Variants in PIK3C2G observed in about 807,000 individuals in gnomAD.
PIK3C2G encodes the protein phosphatidylinositol 3-kinase C2 domain-containing subunit gamma.
A neutral mutation model predicts 181.1 loss-of-function variants in PIK3C2G; 168 were observed. The observed-to-expected ratio is 0.93, with a 90% CI of 0.82 to 1.05. The LOEUF (loss-of-function observed/expected upper bound fraction) is 1.05. PIK3C2G is among the 50% of genes least tolerant of loss of function. PIK3C2G has a pLI of 0.00. For synonymous variants in PIK3C2G, 573 were observed against 592.2 expected (o/e 0.97, Z 0.47); for missense variants, 1,869 against 1,732.8 (o/e 1.08, Z -1.40).
intron 30 of PIK3C2G, among the ~76,000 whole-genome samples, chr12:18,604,837 C>A (rs1425890438): frequency 6.6e-6 from 1 of 152,218 alleles, no homozygotes; most frequent in Non-Finnish European, 1.5e-5. Flanking sequence ...TAAAAAAATT[C>A]TTTGAACTGA....
intron 9 of PIK3C2G, 97 bp downstream of exon 9, chr12:18,338,645 G>A: frequency 1.3e-6 from 1 of 787,174 alleles, no homozygotes; most frequent in Non-Finnish European, 2.1e-6. Flanking sequence ...ATATTTCCGT[G>A]TGTATGTTTG....
the PIK3C2G span, among the ~76,000 whole-genome samples, chr12:18,726,237 C>G: frequency 2.9e-3 from 444 of 152,218 alleles, 5 homozygotes; most frequent in African/African-American, 9.9e-3. Flanking sequence ...TCAGGCCCCA[C>G]CTCAGGGTTC....
the PIK3C2G span, chr12:18,705,165 C>G: frequency 6.2e-7 from 1 of 1,613,864 alleles, no homozygotes; most frequent in South Asian, 1.1e-5. Flanking sequence ...AAAAATGTTA[C>G]CTCTGGTGAT....
chr12:18,599,974 C>T (rs1365170645), intron 30 of PIK3C2G, among the ~76,000 whole-genome samples: 3 of 151,726 alleles, frequency 2.0e-5, no homozygotes, highest in Non-Finnish European at 4.4e-5. Context: ...AGAAGAAACA[C>T]ATAAAAACAC....
At chr12:18,503,207 G>A in intron 22 of PIK3C2G, 74 bp from the exon 23 acceptor site, 1 of 1,117,902 alleles carries the variant, frequency 8.9e-7, no homozygotes, top group Non-Finnish European at 1.3e-6. Flanking sequence ...GGAAGCTATT[G>A]TTGTTATATT....
chr12:18,376,011 C>G (rs544324020), intron 13 of PIK3C2G, among the ~76,000 whole-genome samples: 5 of 152,358 alleles, frequency 3.3e-5, no homozygotes, highest in African/African-American at 1.2e-4. Flanking sequence ...AGCCCGGGTG[C>G]CCAGCCATAA....
intron 29 of PIK3C2G, among the ~76,000 whole-genome samples, chr12:18,585,271 G>T (rs1946709670): frequency 6.6e-6 from 1 of 151,826 alleles, no homozygotes; most frequent in Non-Finnish European, 1.5e-5. Flanking sequence ...AAGACCCAGT[G>T]GTATGCTATC....
intron 25 of PIK3C2G, among the ~76,000 whole-genome samples, chr12:18,544,612 G>T (rs553633878): frequency 1.3e-5 from 2 of 151,846 alleles, no homozygotes; most frequent in Non-Finnish European, 1.5e-5. Flanking sequence ...AATCAAAGAA[G>T]ATATGAATTT....
chr12:18,465,409 T>C (rs535995042), intron 18 of PIK3C2G, among the ~76,000 whole-genome samples: 6 of 152,064 alleles, frequency 3.9e-5, no homozygotes, highest in Non-Finnish European at 8.8e-5. Context: ...GCTTTCTTTG[T>C]CCATCATTTC....
chr12:18,309,976 A>G lies in PIK3C2G; in HGVS notation c.1035-3986A>G, dbSNP rs543919252. 6.7e-4 allele frequency among the ~76,000 whole-genome samples: 102 copies of G among 151,944 alleles called. 1 individual carries two copies. Among genetic ancestry groups the G allele is most frequent in the African/African-American group, 2.3e-3 (94 of 41,536 alleles). On this transcript the variant is annotated intron_variant, in intron 5 of 32. Coordinates refer to ENST00000538779, the MANE Select transcript of PIK3C2G (RefSeq NM_001288772.2). ...GTTCTATTGTTATTTTATTTAGGTA[A>G]GTAAATGAAGTATTTACAGAGTGAT...
the PIK3C2G span, among the ~76,000 whole-genome samples, chr12:18,655,657 G>C: frequency 6.6e-6 from 1 of 151,908 alleles, no homozygotes; most frequent in Non-Finnish European, 1.5e-5. Context: ...TGGAAGTCGT[G>C]TTGGCAGTAT....
At chr12:18,500,391 G>A (rs923220891) in intron 22 of PIK3C2G, among the ~76,000 whole-genome samples, 3 of 152,190 alleles carry the variant, frequency 2.0e-5, no homozygotes, top group Non-Finnish European at 2.9e-5. Context: ...GCGGGGCAAG[G>A]CTCGGGACCT....
At chr12:18,620,560 A>G (rs959750774) in intron 31 of PIK3C2G, among the ~76,000 whole-genome samples, 1 of 152,022 alleles carries the variant, frequency 6.6e-6, no homozygotes, top group Non-Finnish European at 1.5e-5. Flanking sequence ...ATAGATAGAT[A>G]GATAGATAGG....
At chr12:18,548,765 A>T (rs1944574853) in intron 26 of PIK3C2G, among the ~76,000 whole-genome samples, 1 of 152,020 alleles carries the variant, frequency 6.6e-6, no homozygotes, top group Non-Finnish European at 1.5e-5. Flanking sequence ...TGAAGCCTTA[A>T]AAGGCATCAA....
chr12:18,702,091 T>C, the PIK3C2G span, among the ~76,000 whole-genome samples: 2 of 152,152 alleles, frequency 1.3e-5, no homozygotes, highest in African/African-American at 4.8e-5. Flanking sequence ...TATAAATACT[T>C]ACCATGATAT....
intron 24 of PIK3C2G, among the ~76,000 whole-genome samples, chr12:18,512,126 G>T (rs976663422): frequency 6.6e-6 from 1 of 151,914 alleles, no homozygotes; most frequent in Non-Finnish European, 1.5e-5. Context: ...GACCATAAAT[G>T]CATGGGTTTA....
At chr12:18,452,125 G>A (rs939273909) in intron 18 of PIK3C2G, among the ~76,000 whole-genome samples, 4 of 152,168 alleles carry the variant, frequency 2.6e-5, no homozygotes, top group African/African-American at 9.7e-5. Context: ...TCTATTGTTT[G>A]GAATAGTTTC....
intron 12 of PIK3C2G, among the ~76,000 whole-genome samples, chr12:18,367,099 A>T (rs1197515414): frequency 6.6e-6 from 1 of 152,234 alleles, no homozygotes; most frequent in African/African-American, 2.4e-5. Flanking sequence ...TGGGAAAAAA[A>T]GAACATTCTA....
At chr12:18,726,592 T>C in the PIK3C2G span, among the ~76,000 whole-genome samples, 1 of 152,190 alleles carries the variant, frequency 6.6e-6, no homozygotes, top group Admixed American at 6.6e-5. Flanking sequence ...TTGATTGTCA[T>C]TCTGAGTGTA....
Sources: gnomAD v4.1 joint callset for allele counts (sites outside exome capture counted in the v4.1 genomes callset) on GRCh38, gnomAD v4.1.1 for gene constraint, MANE v1.5 for transcripts, NCBI Gene and HGNC (gene_info 2026-07-23, HGNC 2026-07-21) for gene names.